The following PHACTR3 variants were observed in gnomAD, a reference collection of about 807,000 sequenced individuals.
The protein encoded by PHACTR3 is phosphatase and actin regulator 3.
PHACTR3 carries 16 observed loss-of-function variants against 66.8 expected under a neutral mutation model. The ratio of observed to expected loss-of-function variants is 0.24; its 90% CI spans 0.16 to 0.36. The LOEUF is 0.36. Among genes scored for constraint, PHACTR3 ranks in the 10% least tolerant of loss-of-function variants. The pLI, the probability that PHACTR3 is intolerant of heterozygous loss-of-function variation, is 1.00. For synonymous variants in PHACTR3, 323 were observed against 292.1 expected (o/e 1.11, Z -1.08); for missense variants, 647 against 719.9 (o/e 0.90, Z 1.16).
intron 1 of PHACTR3, among the ~76,000 whole-genome samples, chr20:59,685,314 T>G (rs1052262710): frequency 3.3e-5 from 5 of 152,172 alleles, no homozygotes; most frequent in African/African-American, 1.2e-4. Flanking sequence ...TCATCTTGTC[T>G]TCCATTCCTG....
At chr20:59,803,507 T>G (rs566539604) in intron 7 of PHACTR3, among the ~76,000 whole-genome samples, 1 of 152,362 alleles carries the variant, frequency 6.6e-6, no homozygotes, top group East Asian at 1.9e-4. Context: ...TTGGCTTTTA[T>G]TTGCCAATTT....
intron 1 of PHACTR3, among the ~76,000 whole-genome samples, chr20:59,605,852 G>GGGGT (rs2033646757): frequency 7.8e-6 from 1 of 127,732 alleles, no homozygotes; most frequent in African/African-American, 2.9e-5. Flanking sequence ...AAAGCGGGGG[G>GGGGT]GGAGGTGGGG....
At chr20:59,617,199 G>A (rs996145985) in intron 1 of PHACTR3, among the ~76,000 whole-genome samples, 9 of 152,094 alleles carry the variant, frequency 5.9e-5, no homozygotes, top group Admixed American at 2.6e-4. Context: ...TCTTGGGTAC[G>A]TGATAGTGAC....
At chr20:59,742,961 G>T in intron 1 of PHACTR3, 146 bp from the exon 2 acceptor site, 2 of 874,504 alleles carry the variant, frequency 2.3e-6, no homozygotes, top group Admixed American at 2.4e-5. Flanking sequence ...GGCCACTGTG[G>T]GTGCACTGCT....
chr20:59,805,902 CCT>C, intron 7 of PHACTR3, 137 bp from the exon 8 acceptor site: 1 of 886,176 alleles, frequency 1.1e-6, no homozygotes, highest in East Asian at 2.5e-5. Context: ...GAGCGTGTGT[CCT>C]CTCAGTTCTA....
At chr20:59,664,876 G>A (rs1006940463) in intron 1 of PHACTR3, among the ~76,000 whole-genome samples, 11 of 152,174 alleles carry the variant, frequency 7.2e-5, no homozygotes, top group African/African-American at 2.4e-4. Context: ...TTCATCAGAC[G>A]AAAGTGAATA....
rs2038489967 is a variant in PHACTR3, at chr20:59,724,635, A to G, written c.119-18472A>G. Among the ~76,000 whole-genome samples the G allele has an allele frequency of 2.0e-5, 3 of 152,230 alleles. No homozygotes were observed. The South Asian group carries it at 6.2e-4, about 32-fold the overall frequency. On this transcript the variant is annotated intron_variant, in intron 1 of 12. Transcript: ENST00000371015. Reference sequence around the variant, plus strand: ...GTGCATATAACCAGGGCCGTCACCCAATGCTGTGTGATCCTGGGCCAGTCA... The same window carrying G: ...GTGCATATAACCAGGGCCGTCACCCGATGCTGTGTGATCCTGGGCCAGTCA...
chr20:59,697,671 A>G (rs545215965), intron 1 of PHACTR3, among the ~76,000 whole-genome samples: 2 of 152,212 alleles, frequency 1.3e-5, no homozygotes, highest in Non-Finnish European at 2.9e-5. Context: ...AAAGGAGCAG[A>G]GATTAGAAGG....
At chr20:59,632,519 C>G (rs184413683) in intron 1 of PHACTR3, among the ~76,000 whole-genome samples, 7 of 152,262 alleles carry the variant, frequency 4.6e-5, no homozygotes, top group Admixed American at 1.3e-4. Context: ...CCAGCTGGAG[C>G]CTGAGAATGG....
At chr20:59,838,504 T>TC (rs2059004215) in intron 9 of PHACTR3, among the ~76,000 whole-genome samples, 3 of 152,216 alleles carry the variant, frequency 2.0e-5, no homozygotes, top group Non-Finnish European at 4.4e-5. Flanking sequence ...GTGATGGTAA[T>TC]TCTTTATTAG....
intron 1 of PHACTR3, among the ~76,000 whole-genome samples, chr20:59,647,319 T>C (rs978358701): frequency 1.3e-5 from 2 of 152,212 alleles, no homozygotes; most frequent in Non-Finnish European, 2.9e-5. Flanking sequence ...ATGATTCAAT[T>C]ATCTCCATCT....
chr20:59,606,892 A>T (rs544555996), intron 1 of PHACTR3, among the ~76,000 whole-genome samples: 1 of 152,310 alleles, frequency 6.6e-6, no homozygotes, highest in African/African-American at 2.4e-5. Context: ...CAGGTGTCAG[A>T]GGTGAAAAGT....
At chr20:59,616,376 G>T (rs1210725893) in intron 1 of PHACTR3, among the ~76,000 whole-genome samples, 1 of 152,180 alleles carries the variant, frequency 6.6e-6, no homozygotes, top group African/African-American at 2.4e-5. Context: ...AGATGCCCTT[G>T]TCTTCCTTTG....
At chr20:59,755,658 C>T (rs117923747) in intron 4 of PHACTR3, among the ~76,000 whole-genome samples, 3,374 of 152,258 alleles carry the variant, frequency 0.022, 59 homozygotes, top group Non-Finnish European at 0.035. Flanking sequence ...TTTGTGTTTC[C>T]CTGGGAACTT....
At chr20:59,749,089 C>T (rs898263359) in intron 3 of PHACTR3, among the ~76,000 whole-genome samples, 16 of 152,090 alleles carry the variant, frequency 1.1e-4, no homozygotes, top group African/African-American at 3.1e-4. Flanking sequence ...GGTGTCAAGT[C>T]CCGTGGCACT....
At chr20:59,715,318 C>T (rs967631866) in intron 1 of PHACTR3, among the ~76,000 whole-genome samples, 2 of 152,148 alleles carry the variant, frequency 1.3e-5, no homozygotes, top group African/African-American at 4.8e-5. Flanking sequence ...AATCTGCTGG[C>T]AGTTTCTAAT....
rs372596381 is a variant in PHACTR3, at chr20:59,608,139, G to A, written c.118+3007G>A. Among the ~76,000 whole-genome samples the A allele has an allele frequency of 3.3e-5, 5 of 152,344 alleles. No individual in the cohort carries two copies. The South Asian group carries it at 8.3e-4, about 25-fold the overall frequency. On this transcript the variant is annotated intron_variant, in intron 1 of 12. Transcript: ENST00000371015. ...TCTATTTTTCTCTAGCATGAAGGGT[G>A]ACAAATGGTTTCTTGTTGTGTTAAT...
intron 1 of PHACTR3, among the ~76,000 whole-genome samples, chr20:59,701,544 C>T (rs546783993): frequency 6.6e-6 from 1 of 152,316 alleles, no homozygotes; most frequent in East Asian, 1.9e-4. Flanking sequence ...ATTCTATGAA[C>T]ATTACACCAG....
intron 1 of PHACTR3, among the ~76,000 whole-genome samples, chr20:59,674,508 C>CA (rs1314019348): frequency 8.4e-6 from 1 of 118,552 alleles, no homozygotes. Context: ...CTCCTGTTCC[C>CA]CCTTCTCCTG....
Sources: allele counts gnomAD v4.1 joint callset (sites outside exome capture counted in the v4.1 genomes callset), GRCh38; gene constraint gnomAD v4.1.1; transcripts MANE v1.5; gene names NCBI Gene and HGNC (gene_info 2026-07-23, HGNC 2026-07-21).